GABPB1: variants seen among roughly 807,000 people sequenced by gnomAD.
GABPB1 encodes GA binding protein transcription factor subunit beta 1.
In GABPB1, 15 loss-of-function variants were observed where a neutral mutation model predicts 45.9. The observed-to-expected ratio is 0.33, with a 90% CI of 0.22 to 0.50. GABPB1 has a LOEUF of 0.50. Among genes scored for constraint, GABPB1 ranks in the 20% least tolerant of loss-of-function variants. The probability of loss-of-function intolerance (pLI) is 0.98; values close to 1 mark genes in which losing one functional copy is unlikely to be tolerated. For synonymous variants in GABPB1, 143 were observed against 154.4 expected, an observed-to-expected ratio of 0.93 and a Z score of 0.55; for missense variants, 252 against 457.5, an observed-to-expected ratio of 0.55 and a Z score of 4.10.
chr15:50,351,210 A>G (rs1181733828), intron 1 of GABPB1: 1 of 152,204 alleles, frequency 6.6e-6, no homozygotes, highest in Non-Finnish European at 1.5e-5. Context: ...CAATACCCCA[A>G]ATATAATATA....
At chr15:50,347,875 G>A (rs897224771) in intron 1 of GABPB1, among the ~76,000 whole-genome samples, 1 of 151,936 alleles carries the variant, frequency 6.6e-6, no homozygotes, top group African/African-American at 2.4e-5. Flanking sequence ...AGCCAACATG[G>A]CTAAACCCCG....
intron 1 of GABPB1, among the ~76,000 whole-genome samples, chr15:50,341,991 C>T (rs1467210029): frequency 6.6e-6 from 1 of 152,120 alleles, no homozygotes; most frequent in Non-Finnish European, 1.5e-5. Context: ...ACCACTTACC[C>T]CTTGGATTTA....
Position 50,325,731 on chromosome 15 carries a change from C to T in GABPB1, c.1-15933G>A, listed in dbSNP as rs145519364. Among the ~76,000 whole-genome samples the T allele has an allele frequency of 3.5e-3, 528 of 151,638 alleles. 7 individuals are homozygous for T. The highest frequency in any genetic ancestry group is 0.012 in the African/African-American group (504 of 41,312). On this transcript the variant is annotated intron_variant, in intron 1 of 8. Coordinates refer to ENST00000380877, the MANE Select transcript of GABPB1 (RefSeq NM_016654.5). The stretch of plus-strand genomic sequence containing the variant: ...TATTTTTAGTAGAGATGGGGTATCA[C>T]CCTGTTAGCCAGGATGGTCTCGATC...
chr15:50,314,195 A>T (rs72738917), intron 1 of GABPB1, among the ~76,000 whole-genome samples: 66,960 of 149,102 alleles, frequency 0.45, 16,746 homozygotes, highest in Middle Eastern at 0.64. Flanking sequence ...TTATTTATTT[A>T]TTTTTTGAGA....
intron 1 of GABPB1, among the ~76,000 whole-genome samples, chr15:50,313,586 G>A (rs2047204537): frequency 6.6e-6 from 1 of 151,954 alleles, no homozygotes; most frequent in African/African-American, 2.4e-5. Context: ...CTCTTCTAAT[G>A]TGACCAATCT....
At chr15:50,282,932 G>A (rs1327789213) in intron 8 of GABPB1, among the ~76,000 whole-genome samples, 3 of 152,166 alleles carry the variant, frequency 2.0e-5, no homozygotes, top group Non-Finnish European at 4.4e-5. Flanking sequence ...ATGCATGCCT[G>A]TAATCCCAGC....
At chr15:50,331,426 G>C (rs1447319969) in intron 1 of GABPB1, among the ~76,000 whole-genome samples, 1 of 152,194 alleles carries the variant, frequency 6.6e-6, no homozygotes, top group Non-Finnish European at 1.5e-5. Flanking sequence ...TTAGAACTAA[G>C]AATTCTGGCT....
At chr15:50,336,399 A>G (rs1476000942) in intron 1 of GABPB1, among the ~76,000 whole-genome samples, 2 of 151,966 alleles carry the variant, frequency 1.3e-5, no homozygotes, top group Non-Finnish European at 2.9e-5. Flanking sequence ...GACAATTAAA[A>G]AAAACCTCAC....
intron 1 of GABPB1, among the ~76,000 whole-genome samples, chr15:50,316,086 TA>T (rs925110696): frequency 2.1e-4 from 32 of 152,242 alleles, no homozygotes; most frequent in African/African-American, 7.2e-4. Flanking sequence ...TCCTCAGACA[TA>T]AAGTGCTAGA....
At chr15:50,323,989 C>CT (rs1348994925) in intron 1 of GABPB1, among the ~76,000 whole-genome samples, 2 of 152,082 alleles carry the variant, frequency 1.3e-5, no homozygotes, top group Non-Finnish European at 2.9e-5. Context: ...ATTGCTCGAA[C>CT]CCTGGAGTTG....
chr15:50,318,629 A>AC (rs1343436767), intron 1 of GABPB1, among the ~76,000 whole-genome samples: 2 of 152,180 alleles, frequency 1.3e-5, no homozygotes, highest in Admixed American at 1.3e-4. Context: ...CCCCAAGACA[A>AC]CAGCTGTGAC....
At chr15:50,317,616 A>G (rs2047385997) in intron 1 of GABPB1, among the ~76,000 whole-genome samples, 1 of 152,060 alleles carries the variant, frequency 6.6e-6, no homozygotes, top group Admixed American at 6.6e-5. Flanking sequence ...AATGCACCAC[A>G]TTAGATATTG....
chr15:50,292,314 CAAAAAAAAA>C (rs762047613), intron 6 of GABPB1, among the ~76,000 whole-genome samples: 2 of 49,570 alleles, frequency 4.0e-5, no homozygotes, highest in Non-Finnish European at 1.0e-4. Context: ...GACTCCATCT[CAAAAAAAAA>C]AAAAAAAAAA....
At chr15:50,347,946 C>T (rs1403111709) in intron 1 of GABPB1, among the ~76,000 whole-genome samples, 2 of 149,392 alleles carry the variant, frequency 1.3e-5, no homozygotes, top group Non-Finnish European at 3.0e-5. Flanking sequence ...ACTGCAGCTA[C>T]TTGGGAGAAT....
chr15:50,337,816 C>CT (rs1176258233), intron 1 of GABPB1, among the ~76,000 whole-genome samples: 2 of 152,060 alleles, frequency 1.3e-5, no homozygotes, highest in Non-Finnish European at 2.9e-5. Context: ...CATTACTGTT[C>CT]CATACCCAAA....
At chr15:50,292,430 G>C (rs2046381014) in intron 6 of GABPB1, among the ~76,000 whole-genome samples, 1 of 151,996 alleles carries the variant, frequency 6.6e-6, no homozygotes, top group African/African-American at 2.4e-5. Context: ...TGGGGAAACA[G>C]GATATTCAAA....
intron 1 of GABPB1, among the ~76,000 whole-genome samples, chr15:50,336,642 C>A (rs1282566955): frequency 6.6e-6 from 1 of 151,246 alleles, no homozygotes; most frequent in Non-Finnish European, 1.5e-5. Flanking sequence ...ATGTTCATGC[C>A]ACTGCACTCC....
intron 6 of GABPB1, among the ~76,000 whole-genome samples, chr15:50,295,194 A>T (rs529316890): frequency 2.6e-4 from 40 of 152,266 alleles, no homozygotes; most frequent in African/African-American, 9.4e-4. Flanking sequence ...CATTATGATA[A>T]CTCTTCCCTG....
intron 8 of GABPB1, 140 bp downstream of exon 8, chr15:50,285,928 C>T: frequency 7.0e-7 from 1 of 1,423,322 alleles, no homozygotes; most frequent in Non-Finnish European, 9.2e-7. Flanking sequence ...ATGTATAAGG[C>T]AAAAATAAAC....
Sources: allele counts gnomAD v4.1 joint callset (sites outside exome capture counted in the v4.1 genomes callset), GRCh38; gene constraint gnomAD v4.1.1; transcripts MANE v1.5; gene names NCBI Gene and HGNC (gene_info 2026-07-23, HGNC 2026-07-21).